CNGA3: variants seen among roughly 807,000 people sequenced by gnomAD.
CNGA3 encodes cyclic nucleotide gated channel subunit alpha 3, also known as cyclic nucleotide-gated channel alpha-3.
In CNGA3, 42 loss-of-function variants were observed where a neutral mutation model predicts 46.6. The observed-to-expected ratio is 0.90, with a 90% CI of 0.70 to 1.17. The LOEUF is 1.17. Ranked by LOEUF, CNGA3 falls within the 50% of genes most tolerant of loss-of-function variation. The pLI, the probability that CNGA3 is intolerant of heterozygous loss-of-function variation, is 0.00. For missense variants in CNGA3, 893 were observed against 890.7 expected, an observed-to-expected ratio of 1.00 and a Z score of -0.03; for synonymous variants, 394 against 369.4, an observed-to-expected ratio of 1.07 and a Z score of -0.76.
chr2:98,394,015 T>G (rs537415489), intron 7 of CNGA3, among the ~76,000 whole-genome samples: 53 of 150,906 alleles, frequency 3.5e-4, no homozygotes, highest in African/African-American at 1.3e-3. Flanking sequence ...CAGTCTAGCC[T>G]CGGTGGCCTG....
At chr2:98,378,152 G>C (rs557243352) in intron 3 of CNGA3, 2 of 1,550,754 alleles carry the variant, frequency 1.3e-6, no homozygotes, top group African/African-American at 2.7e-5. Context: ...GTGGTGTGCT[G>C]AGGATGGTGG....
At chr2:98,362,543 G>A (rs1692058701) in intron 1 of CNGA3, among the ~76,000 whole-genome samples, 1 of 151,796 alleles carries the variant, frequency 6.6e-6, no homozygotes, top group Non-Finnish European at 1.5e-5. Context: ...TATAGATGCT[G>A]GATGTTAGAC....
intron 1 of CNGA3, among the ~76,000 whole-genome samples, chr2:98,355,074 G>T (rs756295689): frequency 1.3e-5 from 2 of 152,140 alleles, no homozygotes; most frequent in African/African-American, 4.8e-5. Context: ...TGATTATGAG[G>T]TCTTTGCCCT....
intron 2 of CNGA3, among the ~76,000 whole-genome samples, chr2:98,373,172 C>G (rs969423732): frequency 6.6e-6 from 1 of 152,156 alleles, no homozygotes; most frequent in Non-Finnish European, 1.5e-5. Flanking sequence ...GCTTCCCAGC[C>G]CAGCCCAGCA....
At chr2:98,390,123 A>T (rs1033030920) in intron 6 of CNGA3, among the ~76,000 whole-genome samples, 4 of 150,438 alleles carry the variant, frequency 2.7e-5, no homozygotes, top group African/African-American at 9.7e-5. Flanking sequence ...AGGCAGGGGC[A>T]AGCTGCTACT....
chr2:98,387,092 G>A (rs539086602), intron 5 of CNGA3, among the ~76,000 whole-genome samples: 3 of 152,318 alleles, frequency 2.0e-5, no homozygotes, highest in South Asian at 2.1e-4. Flanking sequence ...AAACTCTTTT[G>A]TAGTCTGCTT....
At chr2:98,392,074 G>A (rs1174100859) in intron 7 of CNGA3, 104 bp downstream of exon 7, 65 of 1,031,984 alleles carry the variant, frequency 6.3e-5, no homozygotes, top group Non-Finnish European at 9.1e-5. Flanking sequence ...ACCATGAGAG[G>A]CCAGGCAGGT....
At position 98,380,243 on chromosome 2, in the gene CNGA3, C is replaced by A. The variant is rs114108462; in HGVS notation, c.284C>A (p.Pro95Gln). The change falls in exon 4 of 8, where the codon CCG (proline) becomes CAG (glutamine). Residue 95 changes from proline (P) to glutamine (Q), a missense_variant. By Grantham distance (76) the Pro-to-Gln change is moderately conservative (BLOSUM62 -1). Coordinates refer to ENST00000272602, the MANE Select transcript of CNGA3 (RefSeq NM_001298.3). ...CATGTGCACCACCAGGACCAGGGAC[C>A]GGACTCTTTTCCTGATCGTTTCCGT... ...ARHVHHQDQG[P>Q]DSFPDRFRGA... is the part of the protein sequence containing the mutation. 1.2e-6 allele frequency: 2 copies of A among 1,614,078 alleles called. No individual in the cohort carries two copies. The highest frequency in any genetic ancestry group is 2.7e-5 in the African/African-American group (2 of 74,928).
intron 7 of CNGA3, 148 bp from the exon 8 acceptor site, chr2:98,395,696 G>C (rs1692893865): frequency 1.5e-6 from 1 of 685,328 alleles, no homozygotes; most frequent in African/African-American, 1.8e-5. Flanking sequence ...ATTTCCTGTA[G>C]TAATGGTAAG....
chr2:98,374,071 GCCTTGTGCTGAAAGGTCA>G (rs1408888889), intron 2 of CNGA3, among the ~76,000 whole-genome samples: 3 of 152,182 alleles, frequency 2.0e-5, no homozygotes, highest in African/African-American at 4.8e-5. Context: ...GTATTCCCCA[GCCTTGTGCTGAAAGGTCA>G]CCTCTGTTTA....
chr2:98,371,764 G>A (rs747799717), intron 2 of CNGA3, among the ~76,000 whole-genome samples: 108 of 152,322 alleles, frequency 7.1e-4, no homozygotes, highest in Admixed American at 2.3e-3. Flanking sequence ...ACCTTGAAAC[G>A]TCTGTATGTT....
intron 5 of CNGA3, among the ~76,000 whole-genome samples, chr2:98,385,864 G>A (rs1239557573): frequency 2.0e-5 from 3 of 152,114 alleles, no homozygotes; most frequent in Non-Finnish European, 4.4e-5. Flanking sequence ...CAGGAGGAAG[G>A]TGGGGTAGGT....
chr2:98,386,761 A>G (rs1440026423), intron 5 of CNGA3, among the ~76,000 whole-genome samples: 4 of 152,170 alleles, frequency 2.6e-5, no homozygotes, highest in African/African-American at 9.7e-5. Flanking sequence ...GACTCGACCC[A>G]TCACTGCTGG....
chr2:98,397,432 T>C lies in CNGA3; in HGVS notation c.*177T>C. On this transcript the variant is annotated 3_prime_UTR_variant, in exon 8 of 8. Transcript: ENST00000272602. The stretch of plus-strand genomic sequence containing the variant: ...CACCTAAAAAATGGGACTTTTTGTC[T>C]CAGTCCCAGTGAAGTGCCAGGTTTG... The C allele has an allele frequency of 4.4e-6, 3 of 684,092 alleles. No homozygotes were observed. The highest frequency in any genetic ancestry group is 7.6e-6 in the Non-Finnish European group (3 of 396,832). 42.4% of individuals were successfully genotyped at this position (684,092 alleles called of 1,614,324 possible). A position where few individuals can be genotyped will look rare whatever the true frequency, so the allele number is the denominator to read the frequency against.
At chr2:98,362,715 T>C (rs115893898) in intron 1 of CNGA3, among the ~76,000 whole-genome samples, 1,855 of 152,364 alleles carry the variant, frequency 0.012, 33 homozygotes, top group African/African-American at 0.04. Context: ...GTTTTTGTCA[T>C]GAAGCCTTTG....
At chr2:98,392,105 G>A (rs1016832855) in intron 7 of CNGA3, 135 bp downstream of exon 7, 10 of 767,518 alleles carry the variant, frequency 1.3e-5, no homozygotes, top group African/African-American at 1.7e-5. Context: ...CCGACAGTGA[G>A]GGTAGGTGGT....
In CNGA3 at chr2:98,397,504, G is replaced by T; in HGVS notation, c.*249G>T. On this transcript the variant is annotated 3_prime_UTR_variant, in exon 8 of 8. Transcript: ENST00000272602. ...ACTGCACCAGGCAGGGCTTTGCAAA[G>T]TGCAAGGTATCCCCAGTCCAAGTAT... The T allele has an allele frequency of 1.8e-6, 1 of 567,132 alleles. No individual in the cohort carries two copies. 35.1% of individuals were successfully genotyped at this position (567,132 alleles called of 1,614,324 possible). A position where few individuals can be genotyped will look rare whatever the true frequency, so the allele number is the denominator to read the frequency against.
chr2:98,362,477 G>A (rs114037559), intron 1 of CNGA3, among the ~76,000 whole-genome samples: 5,331 of 151,668 alleles, frequency 0.035, 280 homozygotes, highest in African/African-American at 0.12. Flanking sequence ...CACTACACCC[G>A]GCCTGCCCAC....
In CNGA3 at chr2:98,397,410, C is replaced by A; in HGVS notation, c.*155C>A. The A allele has an allele frequency of 1.3e-6, 1 of 792,092 alleles. No homozygotes were observed. Among genetic ancestry groups the A allele is most frequent in the Non-Finnish European group, 2.1e-6 (1 of 486,278 alleles). The allele number at this position is 792,092 out of a possible 1,614,324, so 49.1% of individuals were successfully genotyped here. A position where few individuals can be genotyped will look rare whatever the true frequency, so the allele number is the denominator to read the frequency against. On this transcript the variant is annotated 3_prime_UTR_variant, in exon 8 of 8. Transcript: ENST00000272602. The stretch of plus-strand genomic sequence containing the variant: ...TGCCTGAGAGAACCTGTTTCTTCAC[C>A]TAAAAAATGGGACTTTTTGTCTCAG...
Sources: gnomAD v4.1 joint callset for allele counts (sites outside exome capture counted in the v4.1 genomes callset) on GRCh38, gnomAD v4.1.1 for gene constraint, MANE v1.5 for transcripts, NCBI Gene and HGNC (gene_info 2026-07-23, HGNC 2026-07-21) for gene names.